The following ECHDC1 variants were observed in gnomAD, a reference collection of about 807,000 sequenced individuals.
ECHDC1 encodes ethylmalonyl-CoA decarboxylase.
In ECHDC1, 29 loss-of-function variants were observed where a neutral mutation model predicts 29.7. That is an observed-to-expected ratio of 0.98 (90% CI 0.73 to 1.33). The LOEUF (loss-of-function observed/expected upper bound fraction) is 1.33, where lower values mean the gene tolerates loss of function less well. ECHDC1 is among the 40% of genes most tolerant of loss of function. The pLI, the probability that ECHDC1 is intolerant of heterozygous loss-of-function variation, is 0.00. For synonymous variants in ECHDC1, 126 were observed against 123.1 expected, an observed-to-expected ratio of 1.02 and a Z score of -0.15; for missense variants, 328 against 350.0, an observed-to-expected ratio of 0.94 and a Z score of 0.50.
chr6:127,323,357 T>G (rs1385603599), intron 3 of ECHDC1, among the ~76,000 whole-genome samples: 1 of 152,128 alleles, frequency 6.6e-6, no homozygotes, highest in African/African-American at 2.4e-5. Flanking sequence ...AGCTTAGTGC[T>G]ATAACCGTTC....
At chr6:127,340,086 C>T (rs1436734109) in intron 1 of ECHDC1, among the ~76,000 whole-genome samples, 5 of 152,146 alleles carry the variant, frequency 3.3e-5, no homozygotes, top group African/African-American at 1.2e-4. Context: ...AATATTGACA[C>T]TTTTTAAGAA....
intron 3 of ECHDC1, among the ~76,000 whole-genome samples, chr6:127,318,673 A>T (rs1380207702): frequency 1.3e-5 from 2 of 152,246 alleles, no homozygotes; most frequent in Admixed American, 1.3e-4. Context: ...AGGTCTAGAC[A>T]GTAAGTCCCT....
In ECHDC1 at chr6:127,310,395, TA is replaced by T. The variant is rs1017113175; in HGVS notation, c.497+4420del. ...CTATGTACTCATGAAAGTTAAAAATTAAAAAAAAAAAGTTGTTTTCAATCCT... is the reference window on the plus strand; with the variant it reads ...CTATGTACTCATGAAAGTTAAAAATTAAAAAAAAAAGTTGTTTTCAATCCT... On this transcript the variant is annotated intron_variant, in intron 5 of 5. Transcript: ENST00000454859. Among the ~76,000 whole-genome samples the T allele has an allele frequency of 3.6e-3, 521 of 146,734 alleles. 3 individuals are homozygous for T. In the Middle Eastern group the frequency reaches 0.043, roughly 12 times the overall value.
At chr6:127,294,200 G>A (rs1275382398) in intron 5 of ECHDC1, among the ~76,000 whole-genome samples, 3 of 152,142 alleles carry the variant, frequency 2.0e-5, no homozygotes, top group Non-Finnish European at 4.4e-5. Context: ...TGGAATCACT[G>A]ATTTAAATAT....
At chr6:127,309,990 A>C (rs1218481917) in intron 5 of ECHDC1, among the ~76,000 whole-genome samples, 1 of 152,174 alleles carries the variant, frequency 6.6e-6, no homozygotes, top group Non-Finnish European at 1.5e-5. Flanking sequence ...TGAGGATTAC[A>C]ATTCAACATG....
intron 4 of ECHDC1, 26 bp downstream of exon 4, chr6:127,316,424 A>G: frequency 6.3e-7 from 1 of 1,583,018 alleles, no homozygotes. Flanking sequence ...TTTAGAAATC[A>G]TATTTTAAAA....
chr6:127,299,805 C>T (rs11154393), intron 5 of ECHDC1, among the ~76,000 whole-genome samples: 1 of 151,986 alleles, frequency 6.6e-6, no homozygotes, highest in Admixed American at 6.6e-5. Flanking sequence ...GACTTTCAGT[C>T]CTGCAAGCTC....
chr6:127,331,043 A>C lies in ECHDC1; in HGVS notation c.-2-13T>G, dbSNP rs1325219485. On this transcript the variant is annotated splice_polypyrimidine_tract_variant and intron_variant, in intron 1 of 5. Coordinates refer to ENST00000454859, the MANE Select transcript of ECHDC1 (RefSeq NM_001002030.2). ...CTTTTCGCCATTTCTGGAAAACAGA[A>C]ATAAGTATGCGGTAGTATAGATGAA... 1.9e-6 allele frequency: 3 copies of C among 1,605,212 alleles called. No individual in the cohort carries two copies. In the African/African-American group the frequency reaches 4.0e-5, roughly 21 times the overall value.
chr6:127,301,903 G>A (rs1278993782), intron 5 of ECHDC1, among the ~76,000 whole-genome samples: 1 of 152,182 alleles, frequency 6.6e-6, no homozygotes, highest in Non-Finnish European at 1.5e-5. Flanking sequence ...GAATGGCTGT[G>A]CCTAGCACAT....
At chr6:127,316,208 T>G in intron 4 of ECHDC1, 1 of 460,858 alleles carries the variant, frequency 2.2e-6, no homozygotes. Context: ...TATAAGCTCT[T>G]TAGGGGATAT....
At chr6:127,332,050 T>C (rs936827467) in intron 1 of ECHDC1, among the ~76,000 whole-genome samples, 2 of 152,162 alleles carry the variant, frequency 1.3e-5, no homozygotes, top group Admixed American at 6.5e-5. Context: ...ATATAAAATA[T>C]AAGTTACAGT....
At chr6:127,333,992 C>T (rs775582383) in intron 1 of ECHDC1, among the ~76,000 whole-genome samples, 1 of 152,036 alleles carries the variant, frequency 6.6e-6, no homozygotes, top group Non-Finnish European at 1.5e-5. Context: ...TTGTGAAGTT[C>T]CTGTGCAAGC....
At chr6:127,295,763 A>C (rs187804434) in intron 5 of ECHDC1, among the ~76,000 whole-genome samples, 84 of 152,358 alleles carry the variant, frequency 5.5e-4, no homozygotes, top group Non-Finnish European at 1.0e-3. Context: ...TGCTACTTAC[A>C]TGATTTTTTC....
intron 5 of ECHDC1, among the ~76,000 whole-genome samples, chr6:127,295,795 A>G (rs564597036): frequency 2.0e-5 from 3 of 152,362 alleles, no homozygotes; most frequent in Admixed American, 1.3e-4. Flanking sequence ...TGAAATGTGG[A>G]TAAAGCCTTT....
intron 5 of ECHDC1, among the ~76,000 whole-genome samples, chr6:127,310,800 A>G (rs1781836688): frequency 6.6e-6 from 1 of 152,186 alleles, no homozygotes; most frequent in South Asian, 2.1e-4. Context: ...TGAAACAGTC[A>G]ATCGGTTAAC....
chr6:127,331,787 T>A lies in ECHDC1; in HGVS notation c.-2-757A>T, dbSNP rs186508980. On this transcript the variant is annotated intron_variant, in intron 1 of 5. Coordinates refer to ENST00000454859, the MANE Select transcript of ECHDC1 (RefSeq NM_001002030.2). ...CTATGCAGAAATGCTGCAAGAGCAA[T>A]CCCACTCTCTAACAGAAGTTTTATT... 12 of 973,612 alleles carry A rather than the reference T, an allele frequency of 1.2e-5. No individual in the cohort carries two copies. In the East Asian group the frequency reaches 1.3e-3, roughly 102 times the overall value. The allele number at this position is 973,612 out of a possible 1,614,324, so 60.3% of individuals were successfully genotyped here. A position where few individuals can be genotyped will look rare whatever the true frequency, so the allele number is the denominator to read the frequency against.
At chr6:127,315,843 A>C (rs35212529) in intron 4 of ECHDC1, 46 of 422,228 alleles carry the variant, frequency 1.1e-4, no homozygotes, top group Non-Finnish European at 2.0e-4. Flanking sequence ...GAATTTCCTT[A>C]CTTTTCATAA....
chr6:127,292,037 G>C (rs1780239608), intron 5 of ECHDC1, among the ~76,000 whole-genome samples: 1 of 152,010 alleles, frequency 6.6e-6, no homozygotes, highest in African/African-American at 2.4e-5. Flanking sequence ...CAGAAATAAT[G>C]TCTAATATTC....
Position 127,289,391 on chromosome 6 carries a change from C to CTGTT in ECHDC1, c.*474_*477dup, listed in dbSNP as rs1389416297. On this transcript the variant is annotated 3_prime_UTR_variant, in exon 6 of 6. Transcript: ENST00000454859. ...CCATTTCCCATGAATTTTACTCCAG[C>CTGTT]TGTTTGGAGCAGAAGAAAATGATTG... 6.6e-6 allele frequency: 1 copy of CTGTT among 152,472 alleles called. No homozygotes were observed. Among genetic ancestry groups the CTGTT allele is most frequent in the East Asian group, 1.9e-4 (1 of 5,190 alleles). 9.4% of individuals were successfully genotyped at this position (152,472 alleles called of 1,614,324 possible).
Sources: gnomAD v4.1 joint callset for allele counts (sites outside exome capture counted in the v4.1 genomes callset) on GRCh38, gnomAD v4.1.1 for gene constraint, MANE v1.5 for transcripts, NCBI Gene and HGNC (gene_info 2026-07-23, HGNC 2026-07-21) for gene names.